The following BEND4 variants were observed in gnomAD, a reference collection of about 807,000 sequenced individuals.
The protein encoded by BEND4 is BEN domain-containing protein 4.
A neutral mutation model predicts 54.7 loss-of-function variants in BEND4; 27 were observed. The ratio of observed to expected loss-of-function variants is 0.49; its 90% CI spans 0.36 to 0.68. BEND4 has a LOEUF of 0.68. BEND4 is among the 30% of genes least tolerant of loss of function. BEND4 has a pLI of 0.00. For missense variants in BEND4, 702 were observed against 697.2 expected, an observed-to-expected ratio of 1.01 and a Z score of -0.08; for synonymous variants, 327 against 299.5, an observed-to-expected ratio of 1.09 and a Z score of -0.95.
At chr4:42,128,428 C>T (rs1720372454) in intron 3 of BEND4, among the ~76,000 whole-genome samples, 1 of 152,094 alleles carries the variant, frequency 6.6e-6, no homozygotes, top group Admixed American at 6.5e-5. Context: ...TCAAGACCAT[C>T]CTGGCTAACA....
chr4:42,134,450 A>T (rs1276990069), intron 3 of BEND4, among the ~76,000 whole-genome samples: 1 of 152,258 alleles, frequency 6.6e-6, no homozygotes, highest in Non-Finnish European at 1.5e-5. Context: ...ATTAGCCTAC[A>T]GATGCATTGT....
At chr4:42,144,087 A>C in intron 2 of BEND4, 93 bp from the exon 3 acceptor site, 2 of 876,748 alleles carry the variant, frequency 2.3e-6, no homozygotes. Flanking sequence ...CAAACATGTT[A>C]AAAATATGTA....
At chr4:42,126,122 T>C (rs1720272600) in intron 3 of BEND4, among the ~76,000 whole-genome samples, 1 of 152,184 alleles carries the variant, frequency 6.6e-6, no homozygotes, top group Non-Finnish European at 1.5e-5. Flanking sequence ...TTGACATCCG[T>C]AGTTATTTCA....
intron 3 of BEND4, among the ~76,000 whole-genome samples, chr4:42,142,074 T>TGC (rs1479293255): frequency 2.0e-5 from 3 of 151,506 alleles, no homozygotes; most frequent in Non-Finnish European, 4.4e-5. Flanking sequence ...TGGCGACTTT[T>TGC]GTGTATTTTT....
chr4:42,151,754 A>G lies in BEND4; in HGVS notation c.390T>C (p.Ser130=). The stretch of plus-strand genomic sequence containing the variant: ...CATACCTGACGACAGCGGCGAACGA[A>G]GACGACGAGGAGGCGGCGGGGGACG... The part of the protein sequence containing the change: ...PPASPAASSS[S]SFAAVVRYGP... Residue 130 remains serine, a synonymous_variant, in exon 2 of 6, where the codon TCT becomes TCC. Coordinates refer to ENST00000502486, the MANE Select transcript of BEND4 (RefSeq NM_207406.4). The G allele has an allele frequency of 6.7e-7, 1 of 1,500,116 alleles. No homozygotes were observed. The highest frequency in any genetic ancestry group is 8.8e-7 in the Non-Finnish European group (1 of 1,130,882). The allele number at this position is 1,500,116 out of a possible 1,614,324, so 92.9% of individuals were successfully genotyped here. A position where few individuals can be genotyped will look rare whatever the true frequency, so the allele number is the denominator to read the frequency against.
In BEND4 at chr4:42,151,883, G is replaced by T. The variant is rs571194775; in HGVS notation, c.261C>A (p.Pro87=). The part of the protein sequence containing the change: ...PQQFQAQSSY[P]PGPGRAAAAA... Reference sequence around the variant, plus strand: ...CGGCGGCGGCCCGGCCGGGCCCGGGGGGGTAGGAGCTCTGCGCCTGGAACT... The same window carrying T: ...CGGCGGCGGCCCGGCCGGGCCCGGGTGGGTAGGAGCTCTGCGCCTGGAACT... The change falls in exon 2 of 6, where the codon CCC becomes CCA. Residue 87 remains proline, a synonymous_variant. Coordinates refer to ENST00000502486, the MANE Select transcript of BEND4 (RefSeq NM_207406.4). 20 of 1,305,676 alleles carry T rather than the reference G, an allele frequency of 1.5e-5. No homozygotes were observed. The highest frequency in any genetic ancestry group is 5.3e-4 in the Middle Eastern group (2 of 3,774). 80.9% of individuals were successfully genotyped at this position (1,305,676 alleles called of 1,614,324 possible). A position where few individuals can be genotyped will look rare whatever the true frequency, so the allele number is the denominator to read the frequency against.
intron 4 of BEND4, among the ~76,000 whole-genome samples, chr4:42,120,839 A>G (rs1720028157): frequency 6.6e-6 from 1 of 152,228 alleles, no homozygotes; most frequent in African/African-American, 2.4e-5. Context: ...ACTGAAAAAA[A>G]AAATCACTAA....
chr4:42,135,455 T>C (rs187387132), intron 3 of BEND4, among the ~76,000 whole-genome samples: 1 of 152,276 alleles, frequency 6.6e-6, no homozygotes, highest in African/African-American at 2.4e-5. Context: ...CCATGCCTTA[T>C]TGTATTTGGT....
intron 2 of BEND4, among the ~76,000 whole-genome samples, chr4:42,146,828 G>A (rs115748888): frequency 0.026 from 3,930 of 152,254 alleles, 77 homozygotes; most frequent in Non-Finnish European, 0.039. Flanking sequence ...AACAGAACTG[G>A]CTAGTAAGAA....
intron 4 of BEND4, among the ~76,000 whole-genome samples, chr4:42,121,645 T>A (rs1377975030): frequency 6.6e-6 from 1 of 152,078 alleles, no homozygotes; most frequent in East Asian, 1.9e-4. Context: ...GGACCCTGTG[T>A]ATAAGAGACA....
At chr4:42,120,377 G>C in intron 4 of BEND4, 83 bp from the exon 5 acceptor site, 1 of 1,519,860 alleles carries the variant, frequency 6.6e-7, no homozygotes, top group Non-Finnish European at 8.9e-7. Flanking sequence ...AGGCAAACAT[G>C]CTTTTTTTAA....
At chr4:42,128,330 T>C (rs1213238502) in intron 3 of BEND4, among the ~76,000 whole-genome samples, 1 of 152,170 alleles carries the variant, frequency 6.6e-6, no homozygotes, top group Non-Finnish European at 1.5e-5. Flanking sequence ...CAACACAGTA[T>C]TGAAAGTTCT....
intron 3 of BEND4, among the ~76,000 whole-genome samples, chr4:42,133,714 G>T (rs1720589419): frequency 6.6e-6 from 1 of 152,158 alleles, no homozygotes. Context: ...AATTAGCTGG[G>T]TGTGGTGGTG....
At chr4:42,151,517 G>C in intron 2 of BEND4, 140 bp downstream of exon 2, 1 of 861,506 alleles carries the variant, frequency 1.2e-6, no homozygotes, top group Non-Finnish European at 1.6e-6. Flanking sequence ...CCGGGTGCGC[G>C]GGGAGGCCCC....
intron 3 of BEND4, among the ~76,000 whole-genome samples, chr4:42,133,592 T>C (rs1299487763): frequency 1.3e-5 from 2 of 152,194 alleles, no homozygotes; most frequent in African/African-American, 2.4e-5. Flanking sequence ...CCGTGGCTCA[T>C]GCCCGTAATC....
intron 2 of BEND4, chr4:42,150,894 G>A (rs1721245493): frequency 1.3e-5 from 2 of 152,354 alleles, no homozygotes; most frequent in Non-Finnish European, 1.5e-5. Flanking sequence ...CACGGACGGG[G>A]ACGAGGGGAT....
At chr4:42,150,753 G>C (rs1721238951) in intron 2 of BEND4, among the ~76,000 whole-genome samples, 1 of 152,240 alleles carries the variant, frequency 6.6e-6, no homozygotes, top group Non-Finnish European at 1.5e-5. Context: ...GCTTTGCCGG[G>C]CAGCGCCCGC....
chr4:42,150,454 C>T lies in BEND4; in HGVS notation c.487+1203G>A, dbSNP rs564023768. Among the ~76,000 whole-genome samples, 3 of 152,294 alleles carry T rather than the reference C, an allele frequency of 2.0e-5. No individual in the cohort carries two copies. In the East Asian group the frequency reaches 5.8e-4, roughly 29 times the overall value. Reference sequence around the variant, plus strand: ...TTTCCAAAACCAATCCTTCATGTGTCAAAATATTGACAAACAACAGAATTA... The same window carrying T: ...TTTCCAAAACCAATCCTTCATGTGTTAAAATATTGACAAACAACAGAATTA... On this transcript the variant is annotated intron_variant, in intron 2 of 5. Transcript: ENST00000502486.
At chr4:42,141,142 G>A (rs1345591649) in intron 3 of BEND4, among the ~76,000 whole-genome samples, 1 of 152,130 alleles carries the variant, frequency 6.6e-6, no homozygotes, top group Middle Eastern at 3.2e-3. Flanking sequence ...GTGCCTGCCT[G>A]GCGTGGGAAA....
Sources: gnomAD v4.1 joint callset for allele counts (sites outside exome capture counted in the v4.1 genomes callset) on GRCh38, gnomAD v4.1.1 for gene constraint, MANE v1.5 for transcripts, NCBI Gene and HGNC (gene_info 2026-07-23, HGNC 2026-07-21) for gene names.